ZNF536: variants seen among roughly 807,000 people sequenced by gnomAD.
ZNF536 encodes the protein zinc finger protein 536.
In ZNF536, 13 loss-of-function variants were observed where a neutral mutation model predicts 84.5. That is an observed-to-expected ratio of 0.15 (90% CI 0.10 to 0.24). ZNF536 has a LOEUF of 0.24. ZNF536 is among the 10% of genes least tolerant of loss of function. The probability of loss-of-function intolerance (pLI) is 1.00; values close to 1 mark genes in which losing one functional copy is unlikely to be tolerated. For synonymous variants in ZNF536, 811 were observed against 742.5 expected (o/e 1.09, Z -1.50); for missense variants, 1,536 against 1,747.5 (o/e 0.88, Z 2.16).
chr19:30,585,497 C>T (rs1403914619), intron 1 of ZNF536, among the ~76,000 whole-genome samples: 2 of 152,154 alleles, frequency 1.3e-5, no homozygotes, highest in Admixed American at 1.3e-4. Context: ...ATGACTGTGG[C>T]CCTGGTGGTC....
intron 1 of ZNF536, among the ~76,000 whole-genome samples, chr19:30,575,476 C>T (rs112521496): frequency 0.016 from 2,487 of 152,258 alleles, 57 homozygotes; most frequent in South Asian, 0.051. Context: ...GCAAGAGGAG[C>T]GAGACTGAGG....
intron 2 of ZNF536, among the ~76,000 whole-genome samples, chr19:30,516,041 A>G (rs2055631010): frequency 6.6e-6 from 1 of 151,556 alleles, no homozygotes; most frequent in Non-Finnish European, 1.5e-5. Context: ...AAAAAAAAAA[A>G]AGAAAAAAAA....
At chr19:30,358,309 C>T (rs1204758647) in intron 3 of ZNF536, among the ~76,000 whole-genome samples, 1 of 152,204 alleles carries the variant, frequency 6.6e-6, no homozygotes, top group Non-Finnish European at 1.5e-5. Context: ...AGAACCCACG[C>T]ATTTATGTTT....
chr19:30,335,657 T>A lies in ZNF536; in HGVS notation c.-119-16711T>A, dbSNP rs576437307. On this transcript the variant is annotated intron_variant, in intron 2 of 5. Coordinates refer to the ZNF536 transcript ENST00000585628. The stretch of plus-strand genomic sequence containing the variant: ...CTCTCTAGGGCTGTCCCTTCTCTTC[T>A]CAGCCAACCCGGGTGGAGAAGCTGC... Among the ~76,000 whole-genome samples, 21 of 152,306 alleles carry A rather than the reference T, an allele frequency of 1.4e-4. No individual in the cohort carries two copies. The East Asian group carries it at 4.1e-3, about 29-fold the overall frequency.
At chr19:30,413,536 C>CATGG (rs2050584633) in intron 1 of ZNF536, among the ~76,000 whole-genome samples, 1 of 152,110 alleles carries the variant, frequency 6.6e-6, no homozygotes, top group South Asian at 2.1e-4. Flanking sequence ...TGAGATGTTG[C>CATGG]ATGGATGTTT....
At chr19:30,534,143 C>A (rs147440536) in intron 2 of ZNF536, among the ~76,000 whole-genome samples, 241 of 152,296 alleles carry the variant, frequency 1.6e-3, no homozygotes, top group African/African-American at 5.4e-3. Context: ...GTTCTCAAGT[C>A]ACTGCAAAAA....
At chr19:30,302,629 A>T (rs1364899944) in intron 2 of ZNF536, among the ~76,000 whole-genome samples, 2 of 152,094 alleles carry the variant, frequency 1.3e-5, no homozygotes, top group Non-Finnish European at 2.9e-5. Flanking sequence ...CTACAATGCT[A>T]CAGGGCCAAG....
At chr19:30,694,586 T>C (rs921669361) in intron 1 of ZNF536, among the ~76,000 whole-genome samples, 1 of 152,236 alleles carries the variant, frequency 6.6e-6, no homozygotes, top group Non-Finnish European at 1.5e-5. Flanking sequence ...AGGAAGATCT[T>C]GCCAGACCTC....
intron 2 of ZNF536, among the ~76,000 whole-genome samples, chr19:30,454,749 G>A (rs1402588195): frequency 6.6e-6 from 1 of 152,106 alleles, no homozygotes; most frequent in African/African-American, 2.4e-5. Context: ...CTTTCCACTT[G>A]GGACCGGGTG....
chr19:30,419,028 C>T (rs1276913849), intron 1 of ZNF536, among the ~76,000 whole-genome samples: 1 of 152,158 alleles, frequency 6.6e-6, no homozygotes, highest in Non-Finnish European at 1.5e-5. Flanking sequence ...TACACAATAG[C>T]ATTCAGAAGA....
At chr19:30,697,840 C>G (rs1371943149) in intron 1 of ZNF536, among the ~76,000 whole-genome samples, 1 of 152,236 alleles carries the variant, frequency 6.6e-6, no homozygotes, top group Non-Finnish European at 1.5e-5. Context: ...TTCGTGTCAA[C>G]AGAAGTTAAG....
intron 4 of ZNF536, among the ~76,000 whole-genome samples, chr19:30,550,734 T>C (rs2045746102): frequency 6.6e-6 from 1 of 152,222 alleles, no homozygotes; most frequent in Non-Finnish European, 1.5e-5. Context: ...GACTCTGGGT[T>C]CATAATTTAG....
Position 30,590,427 on chromosome 19 carries a change from G to C in ZNF536, c.169+40913G>C, listed in dbSNP as rs538195717. 2.0e-5 allele frequency among the ~76,000 whole-genome samples: 3 copies of C among 152,326 alleles called. No individual in the cohort carries two copies. The South Asian group carries it at 6.2e-4, about 32-fold the overall frequency. On this transcript the variant is annotated intron_variant, in intron 1 of 1. Coordinates refer to the ZNF536 transcript ENST00000592773. The stretch of plus-strand genomic sequence containing the variant: ...AGAGTGGGTGACATGCACATTTTCT[G>C]TGGCTTCCAATGCCTTTCAGCAAGG...
At chr19:30,236,007 G>C (rs554036936) in intron 1 of ZNF536, among the ~76,000 whole-genome samples, 2 of 152,212 alleles carry the variant, frequency 1.3e-5, no homozygotes, top group Non-Finnish European at 2.9e-5. Context: ...ATTCCCCAAC[G>C]TTTCCACCCG....
Position 30,550,758 on chromosome 19 carries a change from T to G in ZNF536, c.3895+1244T>G, listed in dbSNP as rs182119806. ...TTCATAATTTAGATTGATATATTTC[T>G]TTTATTCCTCTTCTTCCCTAATTCA... On this transcript the variant is annotated intron_variant, in intron 4 of 4. Transcript: ENST00000355537. Among the ~76,000 whole-genome samples the G allele has an allele frequency of 2.8e-3, 424 of 152,352 alleles. 2 individuals carry two copies. Among genetic ancestry groups the G allele is most frequent in the South Asian group, 0.022 (108 of 4,822 alleles).
intron 2 of ZNF536, among the ~76,000 whole-genome samples, chr19:30,531,371 G>C (rs1046673744): frequency 1.3e-5 from 2 of 151,872 alleles, no homozygotes; most frequent in Non-Finnish European, 2.9e-5. Context: ...AATGTGGCCT[G>C]GGCAAGTCCT....
chr19:30,514,280 AC>A (rs1480539789), intron 2 of ZNF536, among the ~76,000 whole-genome samples: 3 of 152,052 alleles, frequency 2.0e-5, no homozygotes, highest in African/African-American at 7.3e-5. Context: ...ATTTACTCCC[AC>A]CCTCAAAAAA....
At chr19:30,622,829 G>A (rs115365227) in intron 1 of ZNF536, among the ~76,000 whole-genome samples, 2,374 of 152,032 alleles carry the variant, frequency 0.016, 71 homozygotes, top group African/African-American at 0.055. Context: ...CCACCTCACC[G>A]GCTGCCTGCG....
intron 1 of ZNF536, among the ~76,000 whole-genome samples, chr19:30,277,574 G>A (rs1358479604): frequency 1.3e-5 from 2 of 152,186 alleles, no homozygotes; most frequent in Admixed American, 6.5e-5. Flanking sequence ...TATTTCAGCC[G>A]TGTCGTATGA....
Sources: allele counts gnomAD v4.1 joint callset (sites outside exome capture counted in the v4.1 genomes callset), GRCh38; gene constraint gnomAD v4.1.1; transcripts MANE v1.5; gene names NCBI Gene and HGNC (gene_info 2026-07-23, HGNC 2026-07-21).